The following SLC24A4 variants were observed in gnomAD, a reference collection of about 807,000 sequenced individuals.
SLC24A4 encodes the protein sodium/potassium/calcium exchanger 4.
SLC24A4 carries 53 observed loss-of-function variants against 79.0 expected under a neutral mutation model. The ratio of observed to expected loss-of-function variants is 0.67; its 90% CI spans 0.54 to 0.84. SLC24A4 has a LOEUF of 0.84. Among genes scored for constraint, SLC24A4 ranks in the 40% least tolerant of loss-of-function variants. The pLI, the probability that SLC24A4 is intolerant of heterozygous loss-of-function variation, is 0.00. For synonymous variants in SLC24A4, 323 were observed against 323.8 expected, an observed-to-expected ratio of 1.00 and a Z score of 0.03; for missense variants, 731 against 822.0, an observed-to-expected ratio of 0.89 and a Z score of 1.35.
At chr14:92,465,354 G>C (rs1894044924) in intron 12 of SLC24A4, among the ~76,000 whole-genome samples, 1 of 152,200 alleles carries the variant, frequency 6.6e-6, no homozygotes, top group Middle Eastern at 3.2e-3. Flanking sequence ...GAAGCCTTGA[G>C]ATCCCTGCGG....
chr14:92,397,217 G>A lies in SLC24A4; in HGVS notation c.242-36695G>A, dbSNP rs1284099337. Among the ~76,000 whole-genome samples the A allele has an allele frequency of 2.6e-5, 4 of 152,126 alleles. No homozygotes were observed. In the East Asian group the frequency reaches 5.8e-4, roughly 22 times the overall value. Reference sequence around the variant, plus strand: ...TATCACGGTGGATAATCCGAAATTTGCATTTGGAATGCAGAAGTATCTGTT... The same window carrying A: ...TATCACGGTGGATAATCCGAAATTTACATTTGGAATGCAGAAGTATCTGTT... On this transcript the variant is annotated intron_variant, in intron 2 of 16. Transcript: ENST00000532405.
chr14:92,481,559 C>A (rs906564252), intron 12 of SLC24A4, among the ~76,000 whole-genome samples: 5 of 152,222 alleles, frequency 3.3e-5, no homozygotes, highest in Admixed American at 6.5e-5. Flanking sequence ...GTTCTGCCCC[C>A]TCTTGTGGCT....
At position 92,456,257 on chromosome 14, in the gene SLC24A4, TG is replaced by T. The variant is rs1595311147; in HGVS notation, c.1051-143del. ...CAAACATAGAAGGATTCCAAGGTCCTGGGGCTGATTCTCAGGCAAACCTGTC... is the reference window on the plus strand; with the variant it reads ...CAAACATAGAAGGATTCCAAGGTCCTGGGCTGATTCTCAGGCAAACCTGTC... On this transcript the variant is annotated intron_variant, in intron 11 of 16. Transcript: ENST00000532405. 4 of 708,540 alleles carry T rather than the reference TG, an allele frequency of 5.6e-6. No individual in the cohort carries two copies. The East Asian group carries it at 8.1e-5, about 14-fold the overall frequency. The allele number at this position is 708,540 out of a possible 1,614,324, so 43.9% of individuals were successfully genotyped here. A position where few individuals can be genotyped will look rare whatever the true frequency, so the allele number is the denominator to read the frequency against.
chr14:92,492,389 C>T (rs1489841132), intron 16 of SLC24A4, 149 bp downstream of exon 16: 2 of 726,492 alleles, frequency 2.8e-6, no homozygotes, highest in Non-Finnish European at 4.6e-6. Context: ...CATAGACACA[C>T]CCAAGTCCAG....
chr14:92,355,793 G>A (rs76316690), intron 2 of SLC24A4, among the ~76,000 whole-genome samples: 7,837 of 152,164 alleles, frequency 0.052, 273 homozygotes, highest in Admixed American at 0.073. Flanking sequence ...CCTGAGAGTC[G>A]GCCAGGTGAG....
At chr14:92,482,491 C>A (rs1566801446) in intron 12 of SLC24A4, among the ~76,000 whole-genome samples, 189 bp from the exon 13 acceptor site, 1 of 152,254 alleles carries the variant, frequency 6.6e-6, no homozygotes, top group African/African-American at 2.4e-5. Flanking sequence ...CAAACACTTA[C>A]TGAATTGTCT....
intron 12 of SLC24A4, among the ~76,000 whole-genome samples, chr14:92,461,586 T>C (rs1477800633): frequency 6.6e-6 from 1 of 152,146 alleles, no homozygotes; most frequent in African/African-American, 2.4e-5. Flanking sequence ...GATCTTTCTC[T>C]TCCTCTTCTT....
rs1159353300 is a variant in SLC24A4 at position 92,353,803 on chromosome 14, G to A, written c.241+27825G>A. Among the ~76,000 whole-genome samples, 1 of 152,212 alleles carries A rather than the reference G, an allele frequency of 6.6e-6. No homozygotes were observed. Among genetic ancestry groups the A allele is most frequent in the Non-Finnish European group, 1.5e-5 (1 of 68,038 alleles). ...GATAAATCTAGCATGGCCAGGGGAG[G>A]CATCTTGAGTGTTCAGTTCCCTGAA... On this transcript the variant is annotated intron_variant, in intron 2 of 16. Coordinates refer to ENST00000532405, the MANE Select transcript of SLC24A4 (RefSeq NM_153646.4). The surrounding 1 kb of genome is among the most constrained non-coding windows in gnomAD (Gnocchi z 4.1).
chr14:92,493,218 G>A (rs185138951), intron 16 of SLC24A4, among the ~76,000 whole-genome samples: 11 of 152,194 alleles, frequency 7.2e-5, no homozygotes, highest in Admixed American at 5.9e-4. Context: ...GCCTGGGGAG[G>A]GCCGGTCCCA....
chr14:92,437,486 A>G (rs983801649), intron 3 of SLC24A4, among the ~76,000 whole-genome samples: 4 of 152,138 alleles, frequency 2.6e-5, no homozygotes, highest in Non-Finnish European at 5.9e-5. Context: ...CAGATAGAAA[A>G]CCATTTTAAA....
chr14:92,460,310 T>C (rs1309348271), intron 12 of SLC24A4, among the ~76,000 whole-genome samples: 2 of 152,162 alleles, frequency 1.3e-5, no homozygotes, highest in African/African-American at 2.4e-5. Context: ...CCTCCCAGGA[T>C]TGATCTGAGT....
intron 10 of SLC24A4, among the ~76,000 whole-genome samples, chr14:92,449,843 C>A (rs1354393050): frequency 6.6e-6 from 1 of 152,238 alleles, no homozygotes; most frequent in South Asian, 2.1e-4. Context: ...GCCCCCTTGT[C>A]CGGGAACTGG....
At chr14:92,376,293 C>T (rs1369604341) in intron 2 of SLC24A4, among the ~76,000 whole-genome samples, 2 of 152,210 alleles carry the variant, frequency 1.3e-5, no homozygotes, top group African/African-American at 4.8e-5. Flanking sequence ...TTAAGGTCAG[C>T]CATGAATGGA....
chr14:92,445,667 G>A (rs1021292300), intron 8 of SLC24A4, among the ~76,000 whole-genome samples: 1 of 152,188 alleles, frequency 6.6e-6, no homozygotes, highest in Non-Finnish European at 1.5e-5. Context: ...TGGAATGGGG[G>A]ACATTGCAGA....
intron 11 of SLC24A4, among the ~76,000 whole-genome samples, chr14:92,455,435 A>G (rs1394959548): frequency 6.6e-6 from 1 of 152,268 alleles, no homozygotes; most frequent in Non-Finnish European, 1.5e-5. Flanking sequence ...GAAAAATAAC[A>G]AACTGCTGAC....
At chr14:92,447,666 C>T (rs972351862) in intron 9 of SLC24A4, among the ~76,000 whole-genome samples, 4 of 152,196 alleles carry the variant, frequency 2.6e-5, no homozygotes, top group African/African-American at 9.7e-5. Context: ...GTGTGGACCA[C>T]AAGGCTGCTC....
intron 2 of SLC24A4, among the ~76,000 whole-genome samples, chr14:92,413,158 C>T (rs1890812844): frequency 6.6e-6 from 1 of 152,146 alleles, no homozygotes; most frequent in South Asian, 2.1e-4. Flanking sequence ...TTAAGATACT[C>T]TCATCCTGTC....
chr14:92,477,999 G>A (rs1248974353), intron 12 of SLC24A4, among the ~76,000 whole-genome samples: 2 of 151,680 alleles, frequency 1.3e-5, no homozygotes, highest in African/African-American at 4.8e-5. Context: ...TAGAGACAGG[G>A]TTTCACCACG....
intron 2 of SLC24A4, among the ~76,000 whole-genome samples, chr14:92,427,820 C>A (rs1366319427): frequency 6.6e-6 from 1 of 152,206 alleles, no homozygotes; most frequent in African/African-American, 2.4e-5. Flanking sequence ...ACCTAATTTC[C>A]AAGGTGATGT....
Sources: gnomAD v4.1 joint callset for allele counts (sites outside exome capture counted in the v4.1 genomes callset) on GRCh38, gnomAD v4.1.1 for gene constraint, Gnocchi (gnomAD v3.1) non-coding constraint, MANE v1.5 for transcripts, NCBI Gene and HGNC (gene_info 2026-07-23, HGNC 2026-07-21) for gene names.